The following GABRA5 variants were observed in gnomAD, a reference collection of about 807,000 sequenced individuals.
The protein encoded by GABRA5 is gamma-aminobutyric acid receptor subunit alpha-5.
GABRA5 carries 18 observed loss-of-function variants against 47.3 expected under a neutral mutation model. That is an observed-to-expected ratio of 0.38 (90% CI 0.26 to 0.56). The LOEUF (loss-of-function observed/expected upper bound fraction) is 0.56, where lower values mean the gene tolerates loss of function less well. GABRA5 is among the 20% of genes least tolerant of loss of function. The probability of loss-of-function intolerance (pLI) is 0.71; values close to 1 mark genes in which losing one functional copy is unlikely to be tolerated. For missense variants in GABRA5, 365 were observed against 599.3 expected, an observed-to-expected ratio of 0.61 and a Z score of 4.08; for synonymous variants, 237 against 229.3, an observed-to-expected ratio of 1.03 and a Z score of -0.30.
intron 6 of GABRA5, among the ~76,000 whole-genome samples, chr15:26,902,707 G>C (rs550988151): frequency 6.6e-6 from 1 of 152,056 alleles, no homozygotes; most frequent in Non-Finnish European, 1.5e-5. Context: ...AGACATCCTT[G>C]CCTTGTTCCT....
chr15:26,943,325 T>C lies in GABRA5; in HGVS notation c.988T>C (p.Phe330Leu). Residue 330 changes from phenylalanine (F) to leucine (L), a missense_variant, in exon 10 of 11, where the codon TTC (phenylalanine) becomes CTC (leucine). By Grantham distance (22) the Phe-to-Leu change is conservative. Transcript: ENST00000335625. Reference sequence around the variant, plus strand: ...CTGGTTCATAGCCGTGTGCTATGCCTTCGTCTTCTCGGCGCTGATAGAGTT... The same window carrying C: ...CTGGTTCATAGCCGTGTGCTATGCCCTCGTCTTCTCGGCGCTGATAGAGTT... Reference protein sequence around the residue: ...MDWFIAVCYAFVFSALIEFAT... With the variant: ...MDWFIAVCYALVFSALIEFAT... The C allele has an allele frequency of 6.3e-7, 1 of 1,592,404 alleles. No homozygotes were observed.
chr15:26,930,037 GAGA>G (rs1894061113), intron 7 of GABRA5, among the ~76,000 whole-genome samples: 2 of 87,414 alleles, frequency 2.3e-5, no homozygotes, highest in Admixed American at 1.2e-4. Flanking sequence ...TTTGTTTTTT[GAGA>G]TGGAGTTTCA....
chr15:26,876,510 A>T (rs188788264), intron 3 of GABRA5, among the ~76,000 whole-genome samples: 6 of 152,280 alleles, frequency 3.9e-5, no homozygotes, highest in African/African-American at 1.4e-4. Context: ...GATTGTAGGA[A>T]TGTTGCCCAC....
At chr15:26,896,130 G>T (rs1426405652) in intron 6 of GABRA5, among the ~76,000 whole-genome samples, 7 of 152,174 alleles carry the variant, frequency 4.6e-5, no homozygotes, top group Admixed American at 2.0e-4. Context: ...AGTCTTCGAT[G>T]ATTTGGAATG....
chr15:26,939,118 C>T (rs552724338), intron 8 of GABRA5: 16 of 696,682 alleles, frequency 2.3e-5, no homozygotes, highest in African/African-American at 1.4e-4. Flanking sequence ...AATTGCTCTT[C>T]CTCCACCCCT....
chr15:26,918,035 T>G (rs539399997), intron 7 of GABRA5, among the ~76,000 whole-genome samples: 1 of 152,052 alleles, frequency 6.6e-6, no homozygotes, highest in East Asian at 1.9e-4. Flanking sequence ...GTTTTTAGAT[T>G]CCCTACTTTG....
In GABRA5 at chr15:26,949,136, T is replaced by TA. The variant is rs1334952749; in HGVS notation, c.*904dup. The TA allele has an allele frequency of 6.6e-6, 1 of 152,338 alleles. No homozygotes were observed. The highest frequency in any genetic ancestry group is 1.9e-4 in the East Asian group (1 of 5,178). 9.4% of individuals were successfully genotyped at this position (152,338 alleles called of 1,614,324 possible). ...CTTGTATGTATTTCATGACTGGACTTACTGCTCTGTCAGCTTTTGTATATG... is the reference window on the plus strand; with the variant it reads ...CTTGTATGTATTTCATGACTGGACTTAACTGCTCTGTCAGCTTTTGTATATG... On this transcript the variant is annotated 3_prime_UTR_variant, in exon 11 of 11. Coordinates refer to ENST00000335625, the MANE Select transcript of GABRA5 (RefSeq NM_000810.4).
intron 6 of GABRA5, among the ~76,000 whole-genome samples, chr15:26,899,438 T>G (rs1371828930): frequency 6.6e-6 from 1 of 152,210 alleles, no homozygotes; most frequent in African/African-American, 2.4e-5. Context: ...GTGTTCTATA[T>G]ATGCCTGTTA....
chr15:26,908,578 T>C (rs933846429), intron 6 of GABRA5, among the ~76,000 whole-genome samples: 4 of 152,226 alleles, frequency 2.6e-5, no homozygotes, highest in African/African-American at 7.2e-5. Context: ...GTGTGTTTTT[T>C]ACAAGGCCTC....
intron 6 of GABRA5, among the ~76,000 whole-genome samples, chr15:26,891,474 C>G (rs150973315): frequency 6.6e-6 from 1 of 152,188 alleles, no homozygotes; most frequent in Non-Finnish European, 1.5e-5. Context: ...ATATAGCAAG[C>G]ATGCAACAGG....
intron 6 of GABRA5, among the ~76,000 whole-genome samples, chr15:26,908,099 T>C (rs1056619536): frequency 6.6e-6 from 1 of 152,204 alleles, no homozygotes; most frequent in African/African-American, 2.4e-5. Context: ...TAAATATATA[T>C]GTATGTATGT....
At chr15:26,881,064 A>C in intron 4 of GABRA5, 97 bp downstream of exon 4, 1 of 1,356,480 alleles carries the variant, frequency 7.4e-7, no homozygotes, top group Non-Finnish European at 9.9e-7. Flanking sequence ...CAATTCCTAA[A>C]AGAGCTTCCC....
chr15:26,879,327 TC>T (rs897071335), intron 3 of GABRA5, among the ~76,000 whole-genome samples: 2 of 152,116 alleles, frequency 1.3e-5, no homozygotes, highest in African/African-American at 4.8e-5. Context: ...CCTTCTTTTT[TC>T]CCCCTGCAAA....
chr15:26,928,850 A>C (rs1766652486), intron 7 of GABRA5, among the ~76,000 whole-genome samples: 1 of 152,120 alleles, frequency 6.6e-6, no homozygotes, highest in Non-Finnish European at 1.5e-5. Context: ...CTTTCTGGTT[A>C]AGACAGCATC....
chr15:26,914,579 C>A (rs1052019681), intron 6 of GABRA5, among the ~76,000 whole-genome samples: 3 of 152,180 alleles, frequency 2.0e-5, no homozygotes, highest in African/African-American at 7.2e-5. Context: ...TAGGTACACA[C>A]CCTAAGCCAC....
At chr15:26,910,692 T>C (rs1893561082) in intron 6 of GABRA5, among the ~76,000 whole-genome samples, 1 of 152,190 alleles carries the variant, frequency 6.6e-6, no homozygotes, top group South Asian at 2.1e-4. Flanking sequence ...CTTGAATGTC[T>C]TAACAGAAAT....
rs377460441 is a variant in GABRA5, at chr15:26,899,558, T to C, written c.498-15245T>C. 2.7e-4 allele frequency among the ~76,000 whole-genome samples: 41 copies of C among 152,310 alleles called. No individual in the cohort carries two copies. The South Asian group carries it at 6.6e-3, about 25-fold the overall frequency. ...GTTTCCAACTGATATTGCAGAATAG[T>C]GTATTTTTCTCTGAGGTTTGTTAGT... On this transcript the variant is annotated intron_variant, in intron 6 of 10. Coordinates refer to ENST00000335625, the MANE Select transcript of GABRA5 (RefSeq NM_000810.4).
chr15:26,872,801 G>A (rs1278665034), intron 3 of GABRA5, among the ~76,000 whole-genome samples: 1 of 152,214 alleles, frequency 6.6e-6, no homozygotes, highest in African/African-American at 2.4e-5. Flanking sequence ...GGACCAAGTC[G>A]AAATGCAGTG....
At chr15:26,905,284 T>TG (rs1893418497) in intron 6 of GABRA5, among the ~76,000 whole-genome samples, 1 of 151,438 alleles carries the variant, frequency 6.6e-6, no homozygotes, top group African/African-American at 2.4e-5. Flanking sequence ...TTGACAAGTT[T>TG]TTTTTTTCTT....
Sources: allele counts gnomAD v4.1 joint callset (sites outside exome capture counted in the v4.1 genomes callset), GRCh38; gene constraint gnomAD v4.1.1; transcripts MANE v1.5; gene names NCBI Gene and HGNC (gene_info 2026-07-23, HGNC 2026-07-21).